MIER3: variants seen among roughly 807,000 people sequenced by gnomAD.
MIER3 encodes mesoderm induction early response protein 3.
In MIER3, 9 loss-of-function variants were observed where a neutral mutation model predicts 63.2. The ratio of observed to expected loss-of-function variants is 0.14; its 90% CI spans 0.09 to 0.25. The LOEUF (loss-of-function observed/expected upper bound fraction) is 0.25. MIER3 is among the 10% of genes least tolerant of loss of function. The probability of loss-of-function intolerance (pLI) is 1.00; values close to 1 mark genes in which losing one functional copy is unlikely to be tolerated. For synonymous variants in MIER3, 205 were observed against 224.9 expected (o/e 0.91, Z 0.79); for missense variants, 512 against 666.2 (o/e 0.77, Z 2.55).
intron 2 of MIER3, among the ~76,000 whole-genome samples, chr5:56,947,971 T>C (rs1322046587): frequency 6.6e-6 from 1 of 152,206 alleles, no homozygotes; most frequent in African/African-American, 2.4e-5. Context: ...CTTGTTTTAC[T>C]CTAGTATCCA....
In MIER3 at chr5:56,946,943, T is replaced by C; in HGVS notation, c.163A>G (p.Ile55Val). ...MDEGKNFSSE[I>V]EDLEKEGTMP... Reference sequence around the variant, plus strand: ...TCTTATACCTTTTCTAAGTCTTCAATTTCTGAACTGAAGTTTTTACCCTCA... The same window carrying C: ...TCTTATACCTTTTCTAAGTCTTCAACTTCTGAACTGAAGTTTTTACCCTCA... The change falls in exon 3 of 13, where the codon ATT becomes GTT. Residue 55 changes from isoleucine (I) to valine (V), a missense_variant. Physicochemically the swap from Ile to Val is conservative, Grantham distance 29 (BLOSUM62 3). This residue lies in a region of MIER3 where 98 missense variants were observed against 107.4 expected (regional missense o/e 0.91). Transcript: ENST00000381199. The C allele has an allele frequency of 6.3e-7, 1 of 1,588,620 alleles. No homozygotes were observed. Among genetic ancestry groups the C allele is most frequent in the South Asian group, 1.2e-5 (1 of 85,894 alleles).
At chr5:56,926,696 T>C (rs1293038779) in intron 10 of MIER3, among the ~76,000 whole-genome samples, 1 of 152,186 alleles carries the variant, frequency 6.6e-6, no homozygotes, top group Non-Finnish European at 1.5e-5. Flanking sequence ...TTCACCATTC[T>C]ATCCTGTAAT....
chr5:56,925,766 G>A (rs1194745908), intron 10 of MIER3, among the ~76,000 whole-genome samples: 2 of 151,952 alleles, frequency 1.3e-5, no homozygotes, highest in Middle Eastern at 3.4e-3. Context: ...TATATGGAAA[G>A]GCAAAATACC....
intron 5 of MIER3, among the ~76,000 whole-genome samples, chr5:56,936,365 T>C (rs899853669): frequency 3.9e-5 from 6 of 151,968 alleles, no homozygotes; most frequent in African/African-American, 1.2e-4. Flanking sequence ...ACACACAGAG[T>C]TGCATATCAG....
Position 56,923,281 on chromosome 5 carries a change from G to T in MIER3, c.1500C>A (p.Asn500Lys). 2 of 1,614,148 alleles carry T rather than the reference G, an allele frequency of 1.2e-6. No individual in the cohort carries two copies. The highest frequency in any genetic ancestry group is 1.7e-6 in the Non-Finnish European group (2 of 1,180,024). ...ESFMNEVSVN[N>K]LGVDFENHTH... is the part of the protein sequence containing the mutation. ...TGTGATTTTCAAAGTCCACACCCAG[G>T]TTATTTACAGAAACTTCATTCATAA... is the stretch of plus-strand genomic sequence containing the variant. The change falls in exon 13 of 13, where the codon AAC becomes AAA. Residue 500 changes from asparagine to lysine, a missense_variant. Asn to Lys is a moderately conservative substitution (Grantham distance 94). Coordinates refer to ENST00000381199, the MANE Select transcript of MIER3 (RefSeq NM_001297599.2).
chr5:56,950,510 A>C, intron 2 of MIER3, 118 bp downstream of exon 2: 1 of 1,110,932 alleles, frequency 9.0e-7, no homozygotes, highest in South Asian at 1.4e-5. Context: ...TGAAACTCTT[A>C]AAAATCAATG....
At chr5:56,951,054 C>G (rs1751007724) in intron 1 of MIER3, among the ~76,000 whole-genome samples, 1 of 152,148 alleles carries the variant, frequency 6.6e-6, no homozygotes, top group African/African-American at 2.4e-5. Flanking sequence ...AACGTAACAC[C>G]CTTTTCTGGA....
In MIER3 at chr5:56,935,661, C is replaced by T. The variant is rs772176458; in HGVS notation, c.522+5G>A. On this transcript the variant is annotated splice_donor_5th_base_variant and intron_variant, in intron 6 of 12. Transcript: ENST00000381199. ...AATTTAGTCCACTATATTAACTCAG[C>T]TTACCTTCCTCAAATCTTCAGGTGA... 2 of 1,612,286 alleles carry T rather than the reference C, an allele frequency of 1.2e-6. No individual in the cohort carries two copies. The highest frequency in any genetic ancestry group is 3.3e-5 in the Admixed American group (2 of 59,848).
rs1181371692 is a variant in MIER3, at chr5:56,930,615, A to C, written c.829+49T>G. ...GGATACTTTGCTTATTCTGATCCCC[A>C]AATGACCATCCCTGTCATGTCCCTC... On this transcript the variant is annotated intron_variant, in intron 9 of 12. Transcript: ENST00000381199. 3 of 1,505,610 alleles carry C rather than the reference A, an allele frequency of 2.0e-6. No homozygotes were observed. In the South Asian group the frequency reaches 3.4e-5, roughly 17 times the overall value. 93.3% of individuals were successfully genotyped at this position (1,505,610 alleles called of 1,614,324 possible). A position where few individuals can be genotyped will look rare whatever the true frequency, so the allele number is the denominator to read the frequency against.
At position 56,952,112 on chromosome 5, in the gene MIER3, T is replaced by G. The variant is rs1475444732; in HGVS notation, c.-10A>C. On this transcript the variant is annotated 5_prime_UTR_variant, in exon 1 of 13. Transcript: ENST00000381199. ...TGCTCACCTCCGCCATATTGGTACC[T>G]TTAGGGCGAACGAGCAGCGCCGAGC... 1.4e-5 allele frequency: 18 copies of G among 1,288,336 alleles called. No individual in the cohort carries two copies. The Admixed American group carries it at 1.6e-4, about 11-fold the overall frequency. The allele number at this position is 1,288,336 out of a possible 1,614,324, so 79.8% of individuals were successfully genotyped here.
intron 10 of MIER3, among the ~76,000 whole-genome samples, chr5:56,927,671 G>T (rs56984944): frequency 0.11 from 16,142 of 151,968 alleles, 1,164 homozygotes; most frequent in East Asian, 0.35. Context: ...TCCTACATTG[G>T]AGTAGTGTAT....
Position 56,928,756 on chromosome 5 carries a change from G to A in MIER3, c.924+11C>T. 6.3e-7 allele frequency: 1 copy of A among 1,583,862 alleles called. No individual in the cohort carries two copies. The highest frequency in any genetic ancestry group is 8.7e-7 in the Non-Finnish European group (1 of 1,154,044). On this transcript the variant is annotated intron_variant, in intron 10 of 12. Coordinates refer to ENST00000381199, the MANE Select transcript of MIER3 (RefSeq NM_001297599.2). ...ACTAGTAATTTATCTGTACTAATCTGCCTAATTTACCTTATTCTTCTGTAT... is the reference window on the plus strand; with the variant it reads ...ACTAGTAATTTATCTGTACTAATCTACCTAATTTACCTTATTCTTCTGTAT...
intron 10 of MIER3, chr5:56,925,534 G>A: frequency 6.6e-4 from 141 of 214,712 alleles, no homozygotes; most frequent in South Asian, 1.3e-3. Context: ...AAAATACTTG[G>A]GTATAAATAT....
rs772364564 is a variant in MIER3, at chr5:56,933,287, T to C, written c.707A>G (p.Asp236Gly). The change falls in exon 8 of 13, where the codon GAT becomes GGT. Residue 236 changes from aspartate (D) to glycine (G), a missense_variant. By Grantham distance (94) the Asp-to-Gly change is moderately conservative. This residue lies in a region of MIER3 where 118 missense variants were observed against 133.6 expected (regional missense o/e 0.88). Transcript: ENST00000381199. ...TGTGTGTGTTCCTGCAGAAATCCTA[T>C]CCATTATTTTTTCACTGCCAGTCCT... is the stretch of plus-strand genomic sequence containing the variant. ...SLRTGSEKIM[D>G]RISAGTHTRD... 1.9e-6 allele frequency: 3 copies of C among 1,612,916 alleles called. No individual in the cohort carries two copies. Among genetic ancestry groups the C allele is most frequent in the East Asian group, 2.2e-5 (1 of 44,766 alleles).
At chr5:56,942,726 A>C (rs181789948) in intron 3 of MIER3, among the ~76,000 whole-genome samples, 25 of 152,346 alleles carry the variant, frequency 1.6e-4, no homozygotes, top group Middle Eastern at 3.4e-3. Flanking sequence ...ACGAGGAAAA[A>C]GTAGGATTAC....
At chr5:56,935,873 C>T in intron 5 of MIER3, 122 bp from the exon 6 acceptor site, 1 of 686,464 alleles carries the variant, frequency 1.5e-6, no homozygotes, top group Non-Finnish European at 2.5e-6. Flanking sequence ...ACTAAACCAC[C>T]TGCATGTTTC....
chr5:56,948,277 T>G (rs1001726964), intron 2 of MIER3, among the ~76,000 whole-genome samples: 6 of 152,262 alleles, frequency 3.9e-5, no homozygotes, highest in African/African-American at 1.4e-4. Flanking sequence ...TACAGGACTT[T>G]ATTTTTTGGC....
rs1330160560 is a variant in MIER3 at position 56,934,480 on chromosome 5, G to C, written c.595+948C>G. ...ATCACCTCTACTATGTGTGACCTAA[G>C]GACCTACAGTTGCTGAGTATGTACT... is the stretch of plus-strand genomic sequence containing the variant. On this transcript the variant is annotated intron_variant, in intron 7 of 12. Transcript: ENST00000381199. Among the ~76,000 whole-genome samples, 34 of 152,166 alleles carry C rather than the reference G, an allele frequency of 2.2e-4. 1 individual carries two copies. Among genetic ancestry groups the C allele is most frequent in the Admixed American group, 2.2e-3 (34 of 15,272 alleles).
chr5:56,933,427 A>G, intron 7 of MIER3, 29 bp from the exon 8 acceptor site: 1 of 1,562,514 alleles, frequency 6.4e-7, no homozygotes, highest in South Asian at 1.2e-5. Flanking sequence ...TTAACACATT[A>G]AAAATCATGA....
Sources: allele counts gnomAD v4.1 joint callset (sites outside exome capture counted in the v4.1 genomes callset), GRCh38; gene constraint gnomAD v4.1.1; regional missense constraint gnomAD v4.1.1; transcripts MANE v1.5; gene names NCBI Gene and HGNC (gene_info 2026-07-23, HGNC 2026-07-21).